The following NRCAM variants were observed in gnomAD, a reference collection of about 807,000 sequenced individuals.
NRCAM encodes the protein NgCAM-related cell adhesion molecule.
In NRCAM, 83 loss-of-function variants were observed where a neutral mutation model predicts 156.5. The ratio of observed to expected loss-of-function variants is 0.53; its 90% confidence interval spans 0.44 to 0.64. NRCAM has a LOEUF of 0.64. Ranked by LOEUF, NRCAM falls within the 30% of genes least tolerant of loss-of-function variation. The pLI, the probability that NRCAM is intolerant of heterozygous loss-of-function variation, is 0.00. For synonymous variants in NRCAM, 538 were observed against 563.9 expected, an observed-to-expected ratio of 0.95 and a Z score of 0.65; for missense variants, 1,417 against 1,597.3, an observed-to-expected ratio of 0.89 and a Z score of 1.92.
chr7:108,359,212 G>T (rs2099531261), intron 2 of NRCAM, among the ~76,000 whole-genome samples: 1 of 152,100 alleles, frequency 6.6e-6, no homozygotes, highest in Non-Finnish European at 1.5e-5. Context: ...AGGTCCTATG[G>T]GAGACAGAAA....
chr7:108,452,763 A>T (rs1851930222), intron 1 of NRCAM, among the ~76,000 whole-genome samples: 1 of 152,242 alleles, frequency 6.6e-6, no homozygotes, highest in Admixed American at 6.5e-5. Flanking sequence ...ATTCCAGTTA[A>T]ATTTGCTATG....
intron 1 of NRCAM, among the ~76,000 whole-genome samples, chr7:108,432,824 C>A (rs1424555911): frequency 2.0e-5 from 3 of 151,848 alleles, no homozygotes; most frequent in Admixed American, 6.6e-5. Flanking sequence ...ATGGCTGGAA[C>A]CTGGGAGGCA....
At chr7:108,211,555 A>G (rs1036965085) in intron 11 of NRCAM, among the ~76,000 whole-genome samples, 1 of 152,082 alleles carries the variant, frequency 6.6e-6, no homozygotes, top group Non-Finnish European at 1.5e-5. Flanking sequence ...GCACTGTGGG[A>G]GTGAGACTGG....
At chr7:108,178,362 T>C in intron 25 of NRCAM, 1 of 481,600 alleles carries the variant, frequency 2.1e-6, no homozygotes, top group Non-Finnish European at 3.9e-6. Context: ...ACTTTGCCTT[T>C]AGATGGACTC....
chr7:108,353,356 T>C (rs576333883), intron 2 of NRCAM, among the ~76,000 whole-genome samples: 1 of 151,828 alleles, frequency 6.6e-6, no homozygotes, highest in South Asian at 2.1e-4. Context: ...TTTTAATTAT[T>C]TTTATTTTTA....
At chr7:108,342,360 G>C (rs1443152943) in intron 2 of NRCAM, among the ~76,000 whole-genome samples, 1 of 152,206 alleles carries the variant, frequency 6.6e-6, no homozygotes, top group African/African-American at 2.4e-5. Context: ...AACGTATCCA[G>C]CCCATACTGG....
intron 3 of NRCAM, among the ~76,000 whole-genome samples, chr7:108,292,521 C>G (rs779161040): frequency 2.6e-5 from 4 of 152,124 alleles, no homozygotes; most frequent in Non-Finnish European, 4.4e-5. Context: ...ATATGTCACA[C>G]AGAGTTAAGT....
intron 13 of NRCAM, among the ~76,000 whole-genome samples, chr7:108,206,264 G>A (rs2081098442): frequency 1.3e-5 from 2 of 152,198 alleles, no homozygotes; most frequent in African/African-American, 4.8e-5. Context: ...CTTTAAATCT[G>A]CCAGCAGGTT....
intron 2 of NRCAM, among the ~76,000 whole-genome samples, chr7:108,399,171 T>TTGTGTGTG (rs142946755): frequency 2.0e-5 from 3 of 150,258 alleles, no homozygotes; most frequent in South Asian, 2.1e-4. Flanking sequence ...GTGTGTGTGT[T>TTGTGTGTG]TGTGTGTGTG....
chr7:108,181,249 G>C (rs1340624702), intron 24 of NRCAM, among the ~76,000 whole-genome samples: 1 of 151,510 alleles, frequency 6.6e-6, no homozygotes, highest in Non-Finnish European at 1.5e-5. Context: ...TAGGGGTCAG[G>C]CTTAACAAAT....
intron 2 of NRCAM, among the ~76,000 whole-genome samples, chr7:108,367,027 T>C (rs751542657): frequency 2.0e-5 from 3 of 152,244 alleles, no homozygotes; most frequent in Non-Finnish European, 4.4e-5. Flanking sequence ...AGATGTCATA[T>C]ACCTAACACC....
chr7:108,155,410 A>ATCAAGTATATTC (rs1395651108), intron 32 of NRCAM, among the ~76,000 whole-genome samples: 4 of 152,060 alleles, frequency 2.6e-5, no homozygotes, highest in African/African-American at 9.7e-5. Flanking sequence ...TTGATACAAT[A>ATCAAGTATATTC]TCAAGTATAT....
Position 108,191,239 on chromosome 7 carries a change from C to T in NRCAM, c.1933+15G>A, listed in dbSNP as rs768994170. On this transcript the variant is annotated intron_variant, in intron 19 of 32. Transcript: ENST00000379028. ...TTTGACAGAAAACAGAGAAAGAAGA[C>T]TCATATTAGTTTACCGTAAACGGGA... 45 of 1,596,294 alleles carry T rather than the reference C, an allele frequency of 2.8e-5. No individual in the cohort carries two copies. Among genetic ancestry groups the T allele is most frequent in the African/African-American group, 9.4e-5 (7 of 74,490 alleles).
intron 22 of NRCAM, among the ~76,000 whole-genome samples, chr7:108,183,892 T>G (rs1383078040): frequency 1.1e-4 from 17 of 152,106 alleles, no homozygotes; most frequent in Admixed American, 1.1e-3. Flanking sequence ...TGCTAGGCAC[T>G]GTTCTAGGTG....
At chr7:108,214,117 A>T (rs2086371805) in intron 11 of NRCAM, among the ~76,000 whole-genome samples, 1 of 152,184 alleles carries the variant, frequency 6.6e-6, no homozygotes, top group East Asian at 1.9e-4. Flanking sequence ...TCACAAAATG[A>T]GTTAGGGAGG....
At chr7:108,328,950 C>G (rs754542227) in intron 2 of NRCAM, among the ~76,000 whole-genome samples, 1 of 152,160 alleles carries the variant, frequency 6.6e-6, no homozygotes, top group Non-Finnish European at 1.5e-5. Context: ...GCCTCAGAAC[C>G]TACATCACAT....
At chr7:108,342,347 A>C (rs1008589124) in intron 2 of NRCAM, among the ~76,000 whole-genome samples, 1 of 152,252 alleles carries the variant, frequency 6.6e-6, no homozygotes, top group African/African-American at 2.4e-5. Flanking sequence ...GCCCTCAGTG[A>C]GGAACGTATC....
At chr7:108,275,803 C>T (rs1229554603) in intron 3 of NRCAM, among the ~76,000 whole-genome samples, 1 of 152,108 alleles carries the variant, frequency 6.6e-6, no homozygotes, top group African/African-American at 2.4e-5. Flanking sequence ...TCTTGCTTCT[C>T]TAGCTCTTTT....
intron 2 of NRCAM, among the ~76,000 whole-genome samples, chr7:108,394,662 T>C (rs1194042244): frequency 6.6e-6 from 1 of 152,204 alleles, no homozygotes; most frequent in African/African-American, 2.4e-5. Flanking sequence ...ATACTGGTAA[T>C]GGATAGTTAT....
Sources: allele counts gnomAD v4.1 joint callset (sites outside exome capture counted in the v4.1 genomes callset), GRCh38; gene constraint gnomAD v4.1.1; transcripts MANE v1.5; gene names NCBI Gene and HGNC (gene_info 2026-07-23, HGNC 2026-07-21).